NARS2: variants seen among roughly 807,000 people sequenced by gnomAD.
The protein encoded by NARS2 is asparaginyl-tRNA synthetase 2, mitochondrial.
A neutral mutation model predicts 62.9 loss-of-function variants in NARS2; 60 were observed. The ratio of observed to expected loss-of-function variants is 0.95; its 90% confidence interval spans 0.77 to 1.18. NARS2 has a LOEUF of 1.18. NARS2 is among the 50% of genes most tolerant of loss of function. NARS2 has a pLI of 0.00. For missense variants in NARS2, 619 were observed against 576.4 expected (o/e 1.07, Z -0.76); for synonymous variants, 196 against 200.0 (o/e 0.98, Z 0.17).
chr11:78,468,069 TG>T (rs1016581160), intron 10 of NARS2, among the ~76,000 whole-genome samples: 1 of 149,858 alleles, frequency 6.7e-6, no homozygotes, highest in African/African-American at 2.5e-5. Context: ...AATTCTTGGC[TG>T]GGTACTGAGG....
At chr11:78,491,981 A>AC (rs1859838203) in intron 7 of NARS2, among the ~76,000 whole-genome samples, 1 of 152,128 alleles carries the variant, frequency 6.6e-6, no homozygotes, top group African/African-American at 2.4e-5. Context: ...ATAATTACAA[A>AC]TCCAAACTAA....
intron 11 of NARS2, among the ~76,000 whole-genome samples, chr11:78,449,712 C>G (rs768555654): frequency 6.6e-6 from 1 of 152,094 alleles, no homozygotes; most frequent in African/African-American, 2.4e-5. Context: ...TTGTGGAGGC[C>G]TCAACTGTGC....
At chr11:78,450,450 C>G (rs995552525) in intron 11 of NARS2, among the ~76,000 whole-genome samples, 11 of 152,070 alleles carry the variant, frequency 7.2e-5, no homozygotes, top group African/African-American at 2.2e-4. Flanking sequence ...TCTTTCTTTG[C>G]CTACATGGTC....
At chr11:78,560,051 C>T (rs1486203322) in intron 4 of NARS2, among the ~76,000 whole-genome samples, 1 of 152,190 alleles carries the variant, frequency 6.6e-6, no homozygotes, top group Non-Finnish European at 1.5e-5. Context: ...CATAATGATG[C>T]TGCCCACGTT....
rs571143773 is a variant in NARS2 at position 78,436,646 on chromosome 11, GC to G, written c.*23del. On this transcript the variant is annotated 3_prime_UTR_variant, in exon 14 of 14. Transcript: ENST00000281038. ...GTGCAGTGTCTCTGCCATGGGGGGTGCTTTTCCTTAACCAATCTTCCAGCTA... is the reference window on the plus strand; with the variant it reads ...GTGCAGTGTCTCTGCCATGGGGGGTGTTTTCCTTAACCAATCTTCCAGCTA... 6.2e-7 allele frequency: 1 copy of G among 1,613,392 alleles called. No homozygotes were observed. Among genetic ancestry groups the G allele is most frequent in the South Asian group, 1.1e-5 (1 of 91,018 alleles).
intron 6 of NARS2, among the ~76,000 whole-genome samples, chr11:78,528,149 T>G (rs542893991): frequency 1.3e-5 from 2 of 152,164 alleles, no homozygotes; most frequent in South Asian, 4.2e-4. Flanking sequence ...GGCAGGAGAA[T>G]CACTTGAGCC....
chr11:78,567,393 T>C (rs1422787783), intron 3 of NARS2, among the ~76,000 whole-genome samples: 2 of 152,174 alleles, frequency 1.3e-5, no homozygotes, highest in African/African-American at 2.4e-5. Context: ...GAGAATGGCA[T>C]GCAATTTAAA....
chr11:78,549,393 T>C (rs1856006596), intron 5 of NARS2, among the ~76,000 whole-genome samples: 1 of 152,120 alleles, frequency 6.6e-6, no homozygotes. Flanking sequence ...AAAACAGAGC[T>C]CCAAATCTTT....
rs941843469 is a variant in NARS2 at position 78,570,109 on chromosome 11, G to A, written c.251+1226C>T. Among the ~76,000 whole-genome samples, 5 of 152,006 alleles carry A rather than the reference G, an allele frequency of 3.3e-5. No individual in the cohort carries two copies. In the East Asian group the frequency reaches 5.8e-4, roughly 18 times the overall value. ...GGAGACTGAGGCACGAGAATTGCCC[G>A]AACTCATGAGGCAGAGGTTGCAGTG... On this transcript the variant is annotated intron_variant, in intron 2 of 13. Transcript: ENST00000281038.
At chr11:78,457,620 CT>C (rs1476787608) in intron 11 of NARS2, among the ~76,000 whole-genome samples, 2 of 152,162 alleles carry the variant, frequency 1.3e-5, no homozygotes, top group Non-Finnish European at 2.9e-5. Flanking sequence ...TACTCTAGTA[CT>C]GCATAAATTA....
intron 5 of NARS2, among the ~76,000 whole-genome samples, chr11:78,549,359 T>C (rs1856005185): frequency 6.6e-6 from 1 of 152,206 alleles, no homozygotes; most frequent in African/African-American, 2.4e-5. Flanking sequence ...ACTCCAACAC[T>C]GACTGGGCAA....
chr11:78,565,902 T>C (rs966416995), intron 4 of NARS2, among the ~76,000 whole-genome samples: 9 of 152,124 alleles, frequency 5.9e-5, no homozygotes, highest in African/African-American at 2.2e-4. Flanking sequence ...ATCAAAGCGA[T>C]ATCAATAGCT....
At chr11:78,552,001 A>G (rs1856137661) in intron 5 of NARS2, among the ~76,000 whole-genome samples, 2 of 152,086 alleles carry the variant, frequency 1.3e-5, no homozygotes, top group Non-Finnish European at 1.5e-5. Flanking sequence ...AAACCCCTAC[A>G]TTCATTTTAT....
intron 5 of NARS2, among the ~76,000 whole-genome samples, chr11:78,545,600 C>T (rs1590843709): frequency 6.7e-6 from 1 of 149,292 alleles, no homozygotes. Context: ...TCTCGGCTCA[C>T]TGCAACCTCC....
Position 78,574,597 on chromosome 11 carries a change from G to C in NARS2, c.-109C>G, listed in dbSNP as rs935119060. 7.9e-7 allele frequency: 1 copy of C among 1,268,246 alleles called. No homozygotes were observed. Among genetic ancestry groups the C allele is most frequent in the South Asian group, 1.5e-5 (1 of 66,232 alleles). 78.6% of individuals were successfully genotyped at this position (1,268,246 alleles called of 1,614,324 possible). On this transcript the variant is annotated 5_prime_UTR_variant, in exon 1 of 14. Coordinates refer to ENST00000281038, the MANE Select transcript of NARS2 (RefSeq NM_024678.6). The stretch of plus-strand genomic sequence containing the variant: ...GCTCCCCTTCCGCGGCCGCAGCTCT[G>C]CTCTAAGGCACTCCAGAGCCCCTCG...
intron 9 of NARS2, among the ~76,000 whole-genome samples, chr11:78,470,386 C>A (rs574472842): frequency 6.6e-6 from 1 of 152,078 alleles, no homozygotes; most frequent in East Asian, 1.9e-4. Context: ...AGTTCCTTTC[C>A]TTTCACACAA....
Position 78,513,445 on chromosome 11 carries a change from T to C in NARS2, c.689+15397A>G, listed in dbSNP as rs1860790962. Among the ~76,000 whole-genome samples, 7 of 151,802 alleles carry C rather than the reference T, an allele frequency of 4.6e-5. No individual in the cohort carries two copies. The South Asian group carries it at 1.5e-3, about 32-fold the overall frequency. On this transcript the variant is annotated intron_variant, in intron 6 of 13. Coordinates refer to ENST00000281038, the MANE Select transcript of NARS2 (RefSeq NM_024678.6). ...GTAACCATCTTATTCTCTATCTCCA[T>C]GAGTTCAATTGTTTTGATTTTCAGA...
chr11:78,465,426 G>A lies in NARS2; in HGVS notation c.1164+450C>T, dbSNP rs137975482. Among the ~76,000 whole-genome samples, 1,002 of 152,382 alleles carry A rather than the reference G, an allele frequency of 6.6e-3. 11 individuals are homozygous for A. The highest frequency in any genetic ancestry group is 6.8e-3 in the Middle Eastern group (2 of 294). The stretch of plus-strand genomic sequence containing the variant: ...CCAAGGCCGAGGAGGCGCCGAGAGC[G>A]AGAGAGGGCTGTGAGGGCTACCAGC... On this transcript the variant is annotated intron_variant, in intron 11 of 13. Transcript: ENST00000281038.
chr11:78,571,468 T>G (rs184450263), intron 1 of NARS2, 24 bp from the exon 2 acceptor site: 23 of 1,539,410 alleles, frequency 1.5e-5, no homozygotes, highest in Middle Eastern at 3.4e-4. Flanking sequence ...ATATTTCCAA[T>G]GTGAGCGTAA....
Sources: gnomAD v4.1 joint callset for allele counts (sites outside exome capture counted in the v4.1 genomes callset) on GRCh38, gnomAD v4.1.1 for gene constraint, MANE v1.5 for transcripts, NCBI Gene and HGNC (gene_info 2026-07-23, HGNC 2026-07-21) for gene names.